The following PDE1C variants were observed in gnomAD, a reference collection of about 807,000 sequenced individuals.
PDE1C encodes the protein phosphodiesterase 1C.
A neutral mutation model predicts 93.1 loss-of-function variants in PDE1C; 62 were observed. The ratio of observed to expected loss-of-function variants is 0.67; its 90% CI spans 0.54 to 0.82. PDE1C has a LOEUF of 0.82. Ranked by LOEUF, PDE1C falls within the 40% of genes least tolerant of loss-of-function variation. PDE1C has a pLI of 0.00. For missense variants in PDE1C, 742 were observed against 884.6 expected (o/e 0.84, Z 2.04); for synonymous variants, 325 against 310.1 (o/e 1.05, Z -0.50).
chr7:32,022,036 G>A (rs2128614839), intron 2 of PDE1C, among the ~76,000 whole-genome samples: 1 of 151,936 alleles, frequency 6.6e-6, no homozygotes, highest in South Asian at 2.1e-4. Context: ...ACATAATTAG[G>A]TTGCCTTAGG....
intron 6 of PDE1C, among the ~76,000 whole-genome samples, chr7:31,869,003 A>G (rs992534593): frequency 3.9e-5 from 6 of 152,124 alleles, no homozygotes; most frequent in African/African-American, 1.4e-4. Context: ...TGCAGAGGGA[A>G]TTCCTTATTA....
the PDE1C span, among the ~76,000 whole-genome samples, chr7:31,635,314 C>G: frequency 7.6e-4 from 115 of 152,296 alleles, 3 homozygotes; most frequent in South Asian, 0.022. Context: ...CTTGAAGAAA[C>G]TAAACCATCA....
rs1206815417 is a variant in PDE1C at position 32,244,344 on chromosome 7, C to G, written c.86-34805G>C. Among the ~76,000 whole-genome samples the G allele has an allele frequency of 4.6e-5, 7 of 152,280 alleles. No individual in the cohort carries two copies. In the East Asian group the frequency reaches 7.7e-4, roughly 17 times the overall value. On this transcript the variant is annotated intron_variant, in intron 1 of 18. Coordinates refer to the PDE1C transcript ENST00000396193. ...AGACTGGTTCTTAAAACTCAGTGTACCTAAAGGCCATGCAGCCAAAATCAC... is the reference window on the plus strand; with the variant it reads ...AGACTGGTTCTTAAAACTCAGTGTAGCTAAAGGCCATGCAGCCAAAATCAC...
At chr7:32,167,854 CT>C (rs2128803168) in intron 3 of PDE1C, among the ~76,000 whole-genome samples, 1 of 152,254 alleles carries the variant, frequency 6.6e-6, no homozygotes, top group South Asian at 2.1e-4. Context: ...TACAGAGGAG[CT>C]GTAGGGTAAC....
chr7:31,970,743 A>C (rs1485614715), intron 2 of PDE1C, among the ~76,000 whole-genome samples: 1 of 152,250 alleles, frequency 6.6e-6, no homozygotes, highest in East Asian at 1.9e-4. Flanking sequence ...ACATGGGGGA[A>C]AGACTGTTTA....
chr7:31,618,062 G>T, the PDE1C span, among the ~76,000 whole-genome samples: 1 of 152,162 alleles, frequency 6.6e-6, no homozygotes, highest in African/African-American at 2.4e-5. Flanking sequence ...GCCAAGAGAT[G>T]ACAGAAGCCT....
intron 3 of PDE1C, among the ~76,000 whole-genome samples, chr7:32,085,525 C>G (rs1470391381): frequency 2.7e-5 from 4 of 149,156 alleles, no homozygotes; most frequent in Non-Finnish European, 5.9e-5. Context: ...CATCCTGATA[C>G]CAAAGCCAGT....
At chr7:31,716,969 C>G in the PDE1C span, among the ~76,000 whole-genome samples, 2 of 152,062 alleles carry the variant, frequency 1.3e-5, no homozygotes, top group Non-Finnish European at 2.9e-5. Context: ...GAAGCAACAC[C>G]AACCAAAATT....
rs973523631 is a variant in PDE1C at position 31,881,818 on chromosome 7, T to C, written c.129-958A>G. Among the ~76,000 whole-genome samples the C allele has an allele frequency of 7.3e-5, 11 of 151,482 alleles. No individual in the cohort carries two copies. In the East Asian group the frequency reaches 1.3e-3, roughly 19 times the overall value. On this transcript the variant is annotated intron_variant, in intron 2 of 17. Coordinates refer to ENST00000396191, the MANE Select transcript of PDE1C (RefSeq NM_001191057.4). The stretch of plus-strand genomic sequence containing the variant: ...ACCTAAAGATTAAATGAAATTGATA[T>C]AGAGTATGTGACTCGGTTGTTCTTT...
At chr7:32,277,890 C>T (rs767105014) in intron 1 of PDE1C, among the ~76,000 whole-genome samples, 4 of 152,148 alleles carry the variant, frequency 2.6e-5, no homozygotes, top group Non-Finnish European at 5.9e-5. Context: ...AATAACAACA[C>T]GTACTGGAAA....
At chr7:31,688,475 C>T in the PDE1C span, among the ~76,000 whole-genome samples, 2,947 of 152,324 alleles carry the variant, frequency 0.019, 100 homozygotes, top group African/African-American at 0.067. Context: ...CACACTGAAC[C>T]AACTAATGTG....
chr7:31,781,520 CTTT>C (rs1479988622), intron 16 of PDE1C, among the ~76,000 whole-genome samples: 2 of 152,188 alleles, frequency 1.3e-5, no homozygotes, highest in African/African-American at 4.8e-5. Flanking sequence ...CCAACATCTT[CTTT>C]GTGTTCCATT....
At chr7:32,413,817 G>C (rs576498882) in intron 1 of PDE1C, among the ~76,000 whole-genome samples, 1 of 152,248 alleles carries the variant, frequency 6.6e-6, no homozygotes, top group East Asian at 1.9e-4. Context: ...CCTTGGATAA[G>C]ATTAGAGAAG....
the PDE1C span, chr7:31,692,615 A>AC: frequency 1.0e-4 from 115 of 1,153,694 alleles, no homozygotes; most frequent in African/African-American, 3.4e-4. Context: ...GAGAGAGGGC[A>AC]CCCCCCGAAA....
intron 1 of PDE1C, among the ~76,000 whole-genome samples, chr7:32,254,728 T>A (rs575257430): frequency 6.6e-6 from 1 of 152,150 alleles, no homozygotes; most frequent in Non-Finnish European, 1.5e-5. Context: ...TGTACACACA[T>A]GCCCAAGTGA....
chr7:32,420,124 T>C (rs902576936), intron 1 of PDE1C, among the ~76,000 whole-genome samples: 344 of 13,052 alleles, frequency 0.026, 31 homozygotes, highest in African/African-American at 0.055. Context: ...TATATATATA[T>C]ACACACACAC....
chr7:32,420,648 T>C (rs1018394582), intron 1 of PDE1C, among the ~76,000 whole-genome samples: 1 of 151,858 alleles, frequency 6.6e-6, no homozygotes, highest in Admixed American at 6.6e-5. Flanking sequence ...GTTCAAGTAA[T>C]GTGAAAACTG....
At chr7:31,800,853 G>C (rs1785922890) in intron 16 of PDE1C, among the ~76,000 whole-genome samples, 1 of 151,112 alleles carries the variant, frequency 6.6e-6, no homozygotes, top group Admixed American at 6.6e-5. Flanking sequence ...CCTGTCTCTG[G>C]AAAATCCCCA....
chr7:32,014,607 C>A (rs528570759), intron 2 of PDE1C, among the ~76,000 whole-genome samples: 1 of 152,258 alleles, frequency 6.6e-6, no homozygotes, highest in Non-Finnish European at 1.5e-5. Flanking sequence ...CTCTCCCTCC[C>A]CTTGCCCTCC....
Sources: allele counts gnomAD v4.1 joint callset (sites outside exome capture counted in the v4.1 genomes callset), GRCh38; gene constraint gnomAD v4.1.1; transcripts MANE v1.5; gene names NCBI Gene and HGNC (gene_info 2026-07-23, HGNC 2026-07-21).